The following PCCA variants were observed in gnomAD, a reference collection of about 807,000 sequenced individuals.
PCCA encodes propionyl-CoA carboxylase alpha chain, mitochondrial.
PCCA carries 74 observed loss-of-function variants against 101.3 expected under a neutral mutation model. That is an observed-to-expected ratio of 0.73 (90% CI 0.61 to 0.89). The LOEUF (loss-of-function observed/expected upper bound fraction) is 0.89. PCCA is among the 40% of genes least tolerant of loss of function. The pLI, the probability that PCCA is intolerant of heterozygous loss-of-function variation, is 0.00. For synonymous variants in PCCA, 294 were observed against 313.6 expected, an observed-to-expected ratio of 0.94 and a Z score of 0.66; for missense variants, 891 against 907.0, an observed-to-expected ratio of 0.98 and a Z score of 0.23.
intron 22 of PCCA, among the ~76,000 whole-genome samples, chr13:100,517,698 A>T (rs1469102933): frequency 6.6e-6 from 1 of 151,836 alleles, no homozygotes; most frequent in African/African-American, 2.4e-5. Context: ...ACTTGCTTTT[A>T]TTTGTCTTTT....
In PCCA at chr13:100,484,600, C is replaced by G. The variant is rs1209247447; in HGVS notation, c.1900-30827C>G. 2.0e-5 allele frequency among the ~76,000 whole-genome samples: 3 copies of G among 152,130 alleles called. No individual in the cohort carries two copies. In the East Asian group the frequency reaches 5.8e-4, roughly 29 times the overall value. ...ATGTTTGAATTTTTCTTTTTTCCCCCCTGTAGATATATTTGGCATATGTAG... is the reference window on the plus strand; with the variant it reads ...ATGTTTGAATTTTTCTTTTTTCCCCGCTGTAGATATATTTGGCATATGTAG... On this transcript the variant is annotated intron_variant, in intron 21 of 23. Transcript: ENST00000376285.
At chr13:100,495,569 C>G (rs1053333569) in intron 21 of PCCA, among the ~76,000 whole-genome samples, 7 of 152,200 alleles carry the variant, frequency 4.6e-5, no homozygotes, top group Admixed American at 2.0e-4. Flanking sequence ...TCTTGCTTCT[C>G]ATTTATGACT....
intron 1 of PCCA, among the ~76,000 whole-genome samples, chr13:100,090,356 C>T (rs1024554580): frequency 3.1e-4 from 47 of 152,098 alleles, no homozygotes; most frequent in Middle Eastern, 3.2e-3. Context: ...GTTCTTTAAT[C>T]TTTATCATTC....
chr13:100,439,978 A>G (rs2080218288), intron 20 of PCCA, among the ~76,000 whole-genome samples: 1 of 151,830 alleles, frequency 6.6e-6, no homozygotes, highest in Non-Finnish European at 1.5e-5. Context: ...ATAACAGTGC[A>G]GAGCTGATTG....
At chr13:100,432,736 T>C (rs2079642966) in intron 20 of PCCA, among the ~76,000 whole-genome samples, 1 of 152,186 alleles carries the variant, frequency 6.6e-6, no homozygotes, top group African/African-American at 2.4e-5. Flanking sequence ...ACAATCCTAT[T>C]ACTGCCTTCA....
In PCCA at chr13:100,339,551, G is replaced by A. The variant is rs116334813; in HGVS notation, c.1541-606G>A. ...ATTCTTCAATCAGTCACTCACCCCAGGCCTTTGCGGCCAGCCGACTATCCC... is the reference window on the plus strand; with the variant it reads ...ATTCTTCAATCAGTCACTCACCCCAAGCCTTTGCGGCCAGCCGACTATCCC... On this transcript the variant is annotated intron_variant, in intron 17 of 23. Transcript: ENST00000376285. Among the ~76,000 whole-genome samples, 256 of 152,304 alleles carry A rather than the reference G, an allele frequency of 1.7e-3. 1 individual carries two copies. The highest frequency in any genetic ancestry group is 5.8e-3 in the African/African-American group (241 of 41,558).
intron 6 of PCCA, among the ~76,000 whole-genome samples, chr13:100,189,354 T>C (rs2057572979): frequency 6.6e-6 from 1 of 152,214 alleles, no homozygotes. Flanking sequence ...AACATACGTG[T>C]GCATGTGTGT....
intron 4 of PCCA, among the ~76,000 whole-genome samples, chr13:100,120,262 A>T (rs1342075449): frequency 6.7e-6 from 1 of 149,034 alleles, no homozygotes; most frequent in South Asian, 2.1e-4. Context: ...AACTACAGCC[A>T]TGAACTCCTG....
intron 12 of PCCA, among the ~76,000 whole-genome samples, chr13:100,284,775 C>T (rs1028207716): frequency 6.6e-6 from 1 of 152,216 alleles, no homozygotes; most frequent in Non-Finnish European, 1.5e-5. Flanking sequence ...TCCTCTTTGC[C>T]TTTGAGGATC....
chr13:100,117,706 G>A (rs1468797977), intron 4 of PCCA, among the ~76,000 whole-genome samples: 1 of 151,970 alleles, frequency 6.6e-6, no homozygotes, highest in Non-Finnish European at 1.5e-5. Flanking sequence ...AAAACAACAT[G>A]AGACATGTAT....
In PCCA at chr13:100,151,240, C is replaced by G. The variant is rs564642808; in HGVS notation, c.301-3739C>G. On this transcript the variant is annotated intron_variant, in intron 4 of 23. Transcript: ENST00000376285. Reference sequence around the variant, plus strand: ...TAGTTATTTGGAAATTAGGCTCATACGGGTAATAGTTGATGCTAGTAATTT... The same window carrying G: ...TAGTTATTTGGAAATTAGGCTCATAGGGGTAATAGTTGATGCTAGTAATTT... 2.1e-4 allele frequency: 124 copies of G among 583,928 alleles called. 1 individual carries two copies. The East Asian group carries it at 3.6e-3, about 17-fold the overall frequency. 36.2% of individuals were successfully genotyped at this position (583,928 alleles called of 1,614,324 possible).
chr13:100,262,728 G>T lies in PCCA; in HGVS notation c.717-1G>T. The T allele has an allele frequency of 7.0e-7, 1 of 1,430,116 alleles. No individual in the cohort carries two copies. Among genetic ancestry groups the T allele is most frequent in the Non-Finnish European group, 9.7e-7 (1 of 1,030,722 alleles). The allele number at this position is 1,430,116 out of a possible 1,614,324, so 88.6% of individuals were successfully genotyped here. ...CTCCTTCTTCCTTCTTTTTTTCACAGGGATGGTTTTAGATTGTCATCTCAA... is the reference window on the plus strand; with the variant it reads ...CTCCTTCTTCCTTCTTTTTTTCACATGGATGGTTTTAGATTGTCATCTCAA... On this transcript the variant is annotated splice_acceptor_variant, in intron 9 of 23. Transcript: ENST00000376285. LOFTEE classifies it high-confidence loss of function.
chr13:100,330,579 C>T lies in PCCA; in HGVS notation c.1448C>T (p.Ala483Val). Residue 483 changes from alanine to valine, a missense_variant, in exon 17 of 24, where the codon GCA becomes GTA. Physicochemically the swap from Ala to Val is moderately conservative, Grantham distance 64. Transcript: ENST00000376285. ...YVIRGVTHNI[A>V]LLREVIINSR... ...CTTTTAGGTGTTACACATAATATTG[C>T]ATTACTTCGAGAGGTGATAATCAAC... is the stretch of plus-strand genomic sequence containing the variant. 1 of 1,604,594 alleles carries T rather than the reference C, an allele frequency of 6.2e-7. No homozygotes were observed. The highest frequency in any genetic ancestry group is 8.5e-7 in the Non-Finnish European group (1 of 1,171,866).
intron 14 of PCCA, among the ~76,000 whole-genome samples, chr13:100,305,161 G>C (rs2066354007): frequency 6.6e-6 from 1 of 152,082 alleles, no homozygotes; most frequent in Non-Finnish European, 1.5e-5. Context: ...TTCATACTGT[G>C]GTACAGTTTT....
At chr13:100,186,652 G>C (rs1227029128) in intron 6 of PCCA, among the ~76,000 whole-genome samples, 1 of 148,870 alleles carries the variant, frequency 6.7e-6, no homozygotes. Context: ...TGAGGCAGGA[G>C]AATCACTTGA....
chr13:100,382,604 A>G (rs886731287), intron 19 of PCCA, among the ~76,000 whole-genome samples: 24 of 152,274 alleles, frequency 1.6e-4, no homozygotes, highest in Non-Finnish European at 3.1e-4. Context: ...GTTGGCCTAC[A>G]TGTCAGTAAT....
At chr13:100,173,061 G>A (rs1328443961) in intron 6 of PCCA, among the ~76,000 whole-genome samples, 2 of 151,790 alleles carry the variant, frequency 1.3e-5, no homozygotes, top group Non-Finnish European at 2.9e-5. Flanking sequence ...CAGCCTTTTG[G>A]TATCTAGCTT....
chr13:100,283,422 A>C (rs562266978), intron 12 of PCCA, among the ~76,000 whole-genome samples: 2 of 152,182 alleles, frequency 1.3e-5, no homozygotes, highest in Non-Finnish European at 2.9e-5. Context: ...CCCATGAATT[A>C]TTCAATGATG....
chr13:100,274,863 A>C (rs1355403157), intron 12 of PCCA, among the ~76,000 whole-genome samples: 3 of 152,114 alleles, frequency 2.0e-5, no homozygotes, highest in Admixed American at 2.0e-4. Flanking sequence ...CTTCAGTCCA[A>C]TTCACCATTC....
Sources: gnomAD v4.1 joint callset for allele counts (sites outside exome capture counted in the v4.1 genomes callset) on GRCh38, gnomAD v4.1.1 for gene constraint, MANE v1.5 for transcripts, NCBI Gene and HGNC (gene_info 2026-07-23, HGNC 2026-07-21) for gene names.